Variants in MAT2B observed in about 807,000 individuals in gnomAD.
The protein encoded by MAT2B is methionine adenosyltransferase 2 subunit beta.
Under a neutral mutation model 36.1 loss-of-function variants are expected in MAT2B, and 16 were observed. That is an observed-to-expected ratio of 0.44 (90% CI 0.30 to 0.67). MAT2B has a LOEUF of 0.67. Ranked by LOEUF, MAT2B falls within the 30% of genes least tolerant of loss-of-function variation. The probability of loss-of-function intolerance (pLI) is 0.09; values close to 1 mark genes in which losing one functional copy is unlikely to be tolerated. For synonymous variants in MAT2B, 148 were observed against 136.9 expected (o/e 1.08, Z -0.57); for missense variants, 332 against 398.2 (o/e 0.83, Z 1.42).
Position 163,513,611 on chromosome 5 carries a change from G to A in MAT2B, c.315G>A (p.Gln105=). 6.2e-7 allele frequency: 1 copy of A among 1,613,966 alleles called. No homozygotes were observed. The highest frequency in any genetic ancestry group is 1.1e-5 in the South Asian group (1 of 91,076). ...AERRPDVVEN[Q]PDAASQLNVD... ...GAAGACCAGATGTTGTAGAAAATCA[G>A]CCAGATGCTGCCTCTCAACTTAATG... The change falls in exon 3 of 7, where the codon CAG becomes CAA. Residue 105 remains glutamine, a synonymous_variant. Transcript: ENST00000321757.
intron 1 of MAT2B, among the ~76,000 whole-genome samples, chr5:163,509,253 TTTGTGGA>T (rs72398668): frequency 0.037 from 5,697 of 152,238 alleles, 362 homozygotes; most frequent in African/African-American, 0.13. Flanking sequence ...TTTAGTAACT[TTTGTGGA>T]TTGTATAATG....
chr5:163,507,155 A>G (rs1442849309), intron 1 of MAT2B, among the ~76,000 whole-genome samples: 3 of 152,266 alleles, frequency 2.0e-5, no homozygotes, highest in South Asian at 4.1e-4. Flanking sequence ...AAAGTTTCCA[A>G]AAACGACAAG....
intron 1 of MAT2B, among the ~76,000 whole-genome samples, chr5:163,509,109 A>G (rs1759995073): frequency 6.6e-6 from 1 of 152,178 alleles, no homozygotes; most frequent in African/African-American, 2.4e-5. Flanking sequence ...CTGGGCTCTT[A>G]AGTTGCATTA....
At chr5:163,514,449 A>G (rs1217807023) in intron 4 of MAT2B, among the ~76,000 whole-genome samples, 4 of 152,236 alleles carry the variant, frequency 2.6e-5, no homozygotes, top group Admixed American at 6.5e-5. Context: ...TATAACACAC[A>G]TCTCCATATA....
In MAT2B at chr5:163,513,951, A is replaced by G. The variant is rs1760090767; in HGVS notation, c.483A>G (p.Lys161=). 6.2e-7 allele frequency: 1 copy of G among 1,613,658 alleles called. No individual in the cohort carries two copies. Among genetic ancestry groups the G allele is most frequent in the African/African-American group, 1.3e-5 (1 of 75,044 alleles). The change falls in exon 4 of 7, where the codon AAA becomes AAG. Residue 161 remains lysine (K), a synonymous_variant. Transcript: ENST00000321757. ...DIPAPLNLYG[K]TKLDGEKAVL... ...CAGCTCCCCTAAATTTGTATGGCAA[A>G]ACAAAATTAGATGGAGAAAAGGCTG...
At chr5:163,508,936 C>A (rs1032840816) in intron 1 of MAT2B, among the ~76,000 whole-genome samples, 3 of 152,090 alleles carry the variant, frequency 2.0e-5, no homozygotes, top group Non-Finnish European at 2.9e-5. Context: ...GTACTGGAGG[C>A]CTTACATAGT....
At chr5:163,512,572 CTT>C (rs1760062841) in intron 2 of MAT2B, 1 of 389,564 alleles carries the variant, frequency 2.6e-6, no homozygotes, top group South Asian at 2.0e-5. Flanking sequence ...ACTATTCTCC[CTT>C]TGACATGGAT....
intron 2 of MAT2B, 140 bp from the exon 3 acceptor site, chr5:163,513,415 C>A: frequency 1.8e-6 from 1 of 567,250 alleles, no homozygotes; most frequent in Non-Finnish European, 3.2e-6. Flanking sequence ...GACAAAACTA[C>A]ATTAGAAATT....
Position 163,519,146 on chromosome 5 carries a change from A to ATG in MAT2B, c.*785_*786dup, listed in dbSNP as rs1156751487. On this transcript the variant is annotated 3_prime_UTR_variant, in exon 7 of 7. Transcript: ENST00000321757. ...ATAATAATAAATATGTACTGCTGGCATGTAATGCTTAGTTTTCTTGTATTT... is the reference window on the plus strand; with the variant it reads ...ATAATAATAAATATGTACTGCTGGCATGTGTAATGCTTAGTTTTCTTGTATTT... 11 of 152,266 alleles carry ATG rather than the reference A, an allele frequency of 7.2e-5. No individual in the cohort carries two copies. The highest frequency in any genetic ancestry group is 2.6e-4 in the African/African-American group (11 of 41,570). 9.4% of individuals were successfully genotyped at this position (152,266 alleles called of 1,614,324 possible).
At chr5:163,508,416 T>G (rs1561655684) in intron 1 of MAT2B, among the ~76,000 whole-genome samples, 1 of 151,504 alleles carries the variant, frequency 6.6e-6, no homozygotes, top group African/African-American at 2.4e-5. Flanking sequence ...TTTTCTATTT[T>G]TGGTAGAGAC....
intron 4 of MAT2B, among the ~76,000 whole-genome samples, chr5:163,515,200 A>G (rs1048056070): frequency 6.6e-6 from 1 of 152,248 alleles, no homozygotes; most frequent in East Asian, 1.9e-4. Context: ...CATTCAAACC[A>G]TAGCAGTATC....
At chr5:163,510,578 G>T (rs369430325) in intron 1 of MAT2B, among the ~76,000 whole-genome samples, 2 of 151,886 alleles carry the variant, frequency 1.3e-5, no homozygotes, top group East Asian at 1.9e-4. Context: ...TGTATTTTTA[G>T]AAGAGATGGG....
rs933432856 is a variant in MAT2B at position 163,519,290 on chromosome 5, A to G, written c.*927A>G. On this transcript the variant is annotated 3_prime_UTR_variant, in exon 7 of 7. Coordinates refer to ENST00000321757, the MANE Select transcript of MAT2B (RefSeq NM_013283.5). ...TGATACATACAAAAGAATATAGTTT[A>G]ATATGTATTGAAATAAAACACAATA... 6.6e-6 allele frequency: 1 copy of G among 151,602 alleles called. No individual in the cohort carries two copies. The highest frequency in any genetic ancestry group is 2.4e-5 in the African/African-American group (1 of 41,438). The allele number at this position is 151,602 out of a possible 1,614,324, so 9.4% of individuals were successfully genotyped here. A position where few individuals can be genotyped will look rare whatever the true frequency, so the allele number is the denominator to read the frequency against.
chr5:163,507,956 A>C (rs1759972184), intron 1 of MAT2B, among the ~76,000 whole-genome samples: 1 of 152,240 alleles, frequency 6.6e-6, no homozygotes, highest in African/African-American at 2.4e-5. Flanking sequence ...AGCCTTAGTC[A>C]TTTTGTCTAA....
chr5:163,505,488 C>A, upstream of MAT2B: 1 of 1,228,250 alleles, frequency 8.1e-7, no homozygotes, highest in Non-Finnish European at 1.0e-6. Context: ...GCAGACCGCG[C>A]GTACCCGCCC....
upstream of MAT2B, chr5:163,503,158 C>T: frequency 2.2e-6 from 1 of 451,878 alleles, no homozygotes; most frequent in Non-Finnish European, 4.0e-6. Context: ...TGAAACTTCT[C>T]ATTGGGTATT....
Position 163,516,559 on chromosome 5 carries a change from G to C in MAT2B, c.568G>C (p.Glu190Gln), listed in dbSNP as rs1227448873. 6.2e-7 allele frequency: 1 copy of C among 1,614,198 alleles called. No homozygotes were observed. Among genetic ancestry groups the C allele is most frequent in the Non-Finnish European group, 8.5e-7 (1 of 1,180,034 alleles). ...GATTCCTATTCTGTATGGGGAAGTT[G>C]AAAAGCTCGAAGAAAGTGCTGTGAC... Reference protein sequence around the residue: ...LRIPILYGEVEKLEESAVTVM... With the variant: ...LRIPILYGEVQKLEESAVTVM... Residue 190 changes from glutamate to glutamine, a missense_variant, in exon 5 of 7, where the codon GAA (glutamate) becomes CAA (glutamine). Transcript: ENST00000321757.
intron 1 of MAT2B, among the ~76,000 whole-genome samples, chr5:163,509,184 A>G (rs1205541867): frequency 6.7e-6 from 1 of 149,374 alleles, no homozygotes; most frequent in Non-Finnish European, 1.5e-5. Flanking sequence ...CATTTAACAG[A>G]TGTTAAAATG....
chr5:163,515,497 TAATTACAG>T (rs1760116274), intron 4 of MAT2B, among the ~76,000 whole-genome samples: 1 of 152,214 alleles, frequency 6.6e-6, no homozygotes, highest in Non-Finnish European at 1.5e-5. Flanking sequence ...GTTCTTCACA[TAATTACAG>T]TGCAGTTATC....
Sources: allele counts gnomAD v4.1 joint callset (sites outside exome capture counted in the v4.1 genomes callset), GRCh38; gene constraint gnomAD v4.1.1; transcripts MANE v1.5; gene names NCBI Gene and HGNC (gene_info 2026-07-23, HGNC 2026-07-21).